The following BNC1 variants were observed in gnomAD, a reference collection of about 807,000 sequenced individuals.
BNC1 encodes basonuclin zinc finger protein 1.
A neutral mutation model predicts 66.5 loss-of-function variants in BNC1; 8 were observed. The observed-to-expected ratio is 0.12, with a 90% CI of 0.07 to 0.22. BNC1 has a LOEUF of 0.22. Among genes scored for constraint, BNC1 ranks in the 10% least tolerant of loss-of-function variants. The pLI is 1.00. For missense variants in BNC1, 1,069 were observed against 1,241.3 expected, an observed-to-expected ratio of 0.86 and a Z score of 2.09; for synonymous variants, 454 against 452.6, an observed-to-expected ratio of 1.00 and a Z score of -0.04.
At chr15:83,280,718 C>T (rs4480763) in intron 1 of BNC1, among the ~76,000 whole-genome samples, 26,864 of 152,020 alleles carry the variant, frequency 0.18, 2,532 homozygotes, top group Admixed American at 0.21. Context: ...ACAACACTTC[C>T]GGAAGCTGAT....
chr15:83,258,155 G>T, intron 4 of BNC1, 29 bp from the exon 5 acceptor site: 1 of 1,554,048 alleles, frequency 6.4e-7, no homozygotes, highest in Non-Finnish European at 8.7e-7. Context: ...GGTTAGTAAT[G>T]GGTTGGGCTG....
chr15:83,257,274 C>T lies in BNC1; in HGVS notation c.*168G>A, dbSNP rs1160451437. 6.9e-5 allele frequency: 52 copies of T among 757,676 alleles called. No individual in the cohort carries two copies. In the Middle Eastern group the frequency reaches 1.4e-3, roughly 20 times the overall value. 46.9% of individuals were successfully genotyped at this position (757,676 alleles called of 1,614,324 possible). A position where few individuals can be genotyped will look rare whatever the true frequency, so the allele number is the denominator to read the frequency against. ...GGAAGGGCTGCCCCAGTGTCATCTT[C>T]CCACGAGGTTTGTCTTTTGCTCATT... On this transcript the variant is annotated 3_prime_UTR_variant, in exon 5 of 5. Coordinates refer to ENST00000345382, the MANE Select transcript of BNC1 (RefSeq NM_001717.4).
At chr15:83,271,602 T>TG (rs1353503754) in intron 1 of BNC1, among the ~76,000 whole-genome samples, 5 of 152,156 alleles carry the variant, frequency 3.3e-5, no homozygotes, top group Non-Finnish European at 4.4e-5. Flanking sequence ...AAATTGGTCT[T>TG]GGGGGGTGAA....
At chr15:83,278,308 G>A (rs2151440024) in intron 1 of BNC1, among the ~76,000 whole-genome samples, 1 of 152,298 alleles carries the variant, frequency 6.6e-6, no homozygotes, top group Middle Eastern at 3.4e-3. Context: ...TGGTAACCAT[G>A]GGGAGCTTCA....
chr15:83,272,394 CT>C (rs750429207), intron 1 of BNC1, among the ~76,000 whole-genome samples: 127 of 122,652 alleles, frequency 1.0e-3, no homozygotes, highest in Non-Finnish European at 1.1e-3. Flanking sequence ...CCACACCTGG[CT>C]TTTTTTTTTT....
At chr15:83,282,754 CACTT>C in intron 1 of BNC1, among the ~76,000 whole-genome samples, 1 of 152,304 alleles carries the variant, frequency 6.6e-6, no homozygotes, top group Middle Eastern at 3.4e-3. Context: ...TTTTTCAATT[CACTT>C]ACTGTCAAGC....
intron 1 of BNC1, among the ~76,000 whole-genome samples, chr15:83,283,778 A>G (rs576534630): frequency 5.1e-4 from 77 of 152,328 alleles, no homozygotes; most frequent in Non-Finnish European, 9.4e-4. Flanking sequence ...CAGGGTCCGC[A>G]GTGAAGCTGG....
chr15:83,268,014 A>T, intron 2 of BNC1, 119 bp downstream of exon 2: 1 of 786,646 alleles, frequency 1.3e-6, no homozygotes, highest in Non-Finnish European at 2.1e-6. Context: ...GGGACATGCT[A>T]GTAACTTACT....
chr15:83,260,250 TTAA>T, intron 4 of BNC1, among the ~76,000 whole-genome samples: 2 of 152,332 alleles, frequency 1.3e-5, no homozygotes, highest in Non-Finnish European at 2.9e-5. Context: ...AAGTCAGACA[TTAA>T]TGAGATTTAC....
chr15:83,283,474 G>C (rs1472696845), intron 1 of BNC1: 1 of 985,184 alleles, frequency 1.0e-6, no homozygotes, highest in Non-Finnish European at 1.2e-6. Flanking sequence ...CTCCCGAGAC[G>C]GGCGAGCCAC....
chr15:83,261,205 TGAA>T (rs1035941047), intron 4 of BNC1, among the ~76,000 whole-genome samples: 2 of 152,232 alleles, frequency 1.3e-5, no homozygotes, highest in African/African-American at 2.4e-5. Flanking sequence ...TCTTGGAGGC[TGAA>T]GAAGGACTGG....
Position 83,258,008 on chromosome 15 carries a change from C to T in BNC1, c.2419G>A (p.Asp807Asn). Residue 807 changes from aspartate to asparagine, a missense_variant, in exon 5 of 5, where the codon GAT becomes AAT. This residue lies in a region of BNC1 where 657 missense variants were observed against 715.8 expected (regional missense o/e 0.92). Coordinates refer to ENST00000345382, the MANE Select transcript of BNC1 (RefSeq NM_001717.4). ...GAGGCTTGCTGTGTAAAAGCCACAT[C>T]CTGATAGGCTTCCTTAGCCACATCT... ...LKDVAKEAYQDVAFTQQASQT... is the reference protein window; with the variant it reads ...LKDVAKEAYQNVAFTQQASQT... 1 of 1,614,106 alleles carries T rather than the reference C, an allele frequency of 6.2e-7. No individual in the cohort carries two copies. The highest frequency in any genetic ancestry group is 8.5e-7 in the Non-Finnish European group (1 of 1,179,984).
At chr15:83,282,717 G>A (rs546309370) in intron 1 of BNC1, among the ~76,000 whole-genome samples, 3 of 152,134 alleles carry the variant, frequency 2.0e-5, no homozygotes, top group South Asian at 2.1e-4. Context: ...AATAAACAGC[G>A]AATGAAAAAA....
At position 83,264,066 on chromosome 15, in the gene BNC1, C is replaced by T. The variant is rs764255918; in HGVS notation, c.1185G>A (p.Val395=). The T allele has an allele frequency of 5.6e-6, 9 of 1,614,062 alleles. No individual in the cohort carries two copies. The highest frequency in any genetic ancestry group is 1.3e-5 in the African/African-American group (1 of 74,938). The change falls in exon 4 of 5, where the codon GTG becomes GTA. Residue 395 remains valine (V), a synonymous_variant. Coordinates refer to ENST00000345382, the MANE Select transcript of BNC1 (RefSeq NM_001717.4). ...GATTCCGGCTCCTTAGGGAGCTGAACACCATGTTACACCCTTCGATGGTGC... is the reference window on the plus strand; with the variant it reads ...GATTCCGGCTCCTTAGGGAGCTGAATACCATGTTACACCCTTCGATGGTGC... The part of the protein sequence containing the change: ...HKCTIEGCNM[V]FSSLRSRNRH...
rs1386706799 is a variant in BNC1, at chr15:83,263,087, A to G, written c.2164T>C (p.Cys722Arg). 30 of 1,614,182 alleles carry G rather than the reference A, an allele frequency of 1.9e-5. No individual in the cohort carries two copies. Among genetic ancestry groups the G allele is most frequent in the Non-Finnish European group, 2.3e-5 (27 of 1,180,030 alleles). The change falls in exon 4 of 5, where the codon TGT becomes CGT. Residue 722 changes from cysteine (C) to arginine (R), a missense_variant. Physicochemically the swap from Cys to Arg is radical, Grantham distance 180. Transcript: ENST00000345382. ...TTAAAGGTCTTCTTGCAGATGTCAC[A>G]CTGGAAGCGATTTTCTTCTATCTGC... is the stretch of plus-strand genomic sequence containing the variant. ...ARQIEENRFQ[C>R]DICKKTFKNA...
At position 83,268,243 on chromosome 15, in the gene BNC1, GGA is replaced by G; in HGVS notation, c.100-13_100-12del. 1 of 1,600,106 alleles carries G rather than the reference GGA, an allele frequency of 6.2e-7. No homozygotes were observed. On this transcript the variant is annotated splice_polypyrimidine_tract_variant and intron_variant, in intron 1 of 4. Transcript: ENST00000345382. ...AGTACAGCTGATAGCCTGAAAAAGA[GGA>G]GAAAACAGGTATGTGGAGCATGTAA...
At chr15:83,261,937 A>G (rs2038146282) in intron 4 of BNC1, among the ~76,000 whole-genome samples, 1 of 152,114 alleles carries the variant, frequency 6.6e-6, no homozygotes, top group Non-Finnish European at 1.5e-5. Flanking sequence ...AATGAAAATG[A>G]GTCACGTTTT....
chr15:83,275,318 A>G lies in BNC1; in HGVS notation c.100-7086T>C, dbSNP rs558031618. On this transcript the variant is annotated intron_variant, in intron 1 of 4. Coordinates refer to ENST00000345382, the MANE Select transcript of BNC1 (RefSeq NM_001717.4). ...CAGGACCAGACTGGCCAACATGGCG[A>G]AACCCCATCTCTACTAAAAATACAA... Among the ~76,000 whole-genome samples, 288 of 152,292 alleles carry G rather than the reference A, an allele frequency of 1.9e-3. 1 individual carries two copies. The highest frequency in any genetic ancestry group is 6.7e-3 in the African/African-American group (277 of 41,558).
intron 4 of BNC1, among the ~76,000 whole-genome samples, chr15:83,261,354 C>T (rs1218297895): frequency 5.3e-5 from 8 of 152,214 alleles, no homozygotes; most frequent in Admixed American, 5.2e-4. Context: ...CTTATGAGCC[C>T]TGTCCAGGAA....
Sources: gnomAD v4.1 joint callset for allele counts (sites outside exome capture counted in the v4.1 genomes callset) on GRCh38, gnomAD v4.1.1 for gene constraint, gnomAD v4.1.1 regional missense constraint, MANE v1.5 for transcripts, NCBI Gene and HGNC (gene_info 2026-07-23, HGNC 2026-07-21) for gene names.